RNF149: variants seen among roughly 807,000 people sequenced by gnomAD.
The protein encoded by RNF149 is ring finger protein 149.
RNF149 carries 21 observed loss-of-function variants against 39.0 expected under a neutral mutation model. The ratio of observed to expected loss-of-function variants is 0.54; its 90% CI spans 0.38 to 0.77. The LOEUF (loss-of-function observed/expected upper bound fraction) is 0.77. Ranked by LOEUF, RNF149 falls within the 30% of genes least tolerant of loss-of-function variation. RNF149 has a pLI of 0.00. For missense variants in RNF149, 493 were observed against 534.9 expected (o/e 0.92, Z 0.77); for synonymous variants, 209 against 213.6 (o/e 0.98, Z 0.19).
At chr2:101,280,201 A>ATG (rs1682525432) in intron 6 of RNF149, among the ~76,000 whole-genome samples, 3 of 146,636 alleles carry the variant, frequency 2.0e-5, no homozygotes, top group South Asian at 2.1e-4. Flanking sequence ...TAATAATAAT[A>ATG]ATGATGATGA....
chr2:101,273,218 GA>G (rs1316277920), downstream of RNF149: 2 of 944,708 alleles, frequency 2.1e-6, no homozygotes, highest in African/African-American at 3.4e-5. Flanking sequence ...AGGAGCCGAG[GA>G]AACAGGACAG....
At chr2:101,282,401 G>A (rs183001563) in intron 5 of RNF149, among the ~76,000 whole-genome samples, 123 of 152,112 alleles carry the variant, frequency 8.1e-4, no homozygotes, top group Non-Finnish European at 1.3e-3. Context: ...TCTGATTACC[G>A]CCCTGTGCTG....
downstream of RNF149, among the ~76,000 whole-genome samples, chr2:101,275,431 C>CT (rs59154104): frequency 9.1e-3 from 241 of 26,606 alleles, 51 homozygotes; most frequent in African/African-American, 0.027. Context: ...CCTAGTATTT[C>CT]TTTTTTTTTT....
In RNF149 at chr2:101,302,831, T is replaced by G. The variant is rs532852872; in HGVS notation, c.460+5298A>C. ...CCATCTCTACAAAACATTTAAAAAA[T>G]TAGCCAGGTGTGGCAGCATGCACCT... On this transcript the variant is annotated intron_variant, in intron 1 of 6. Transcript: ENST00000295317. Among the ~76,000 whole-genome samples the G allele has an allele frequency of 1.6e-4, 24 of 152,082 alleles. No homozygotes were observed. The South Asian group carries it at 2.7e-3, about 17-fold the overall frequency.
chr2:101,279,551 C>T (rs980157314), intron 6 of RNF149, among the ~76,000 whole-genome samples: 1 of 152,192 alleles, frequency 6.6e-6, no homozygotes, highest in African/African-American at 2.4e-5. Context: ...GGTATGCACT[C>T]TGGCTCTATA....
chr2:101,289,022 A>G lies in RNF149; in HGVS notation c.814T>C (p.Cys272Arg), dbSNP rs1244859730. ...IDVDAENCAVCIENFKVKDII... is the reference protein window; with the variant it reads ...IDVDAENCAVRIENFKVKDII... ...TCCTTTACTTTGAAATTTTCAATAC[A>G]CACTGCACAATTTTCAGCATCAACA... Residue 272 changes from cysteine (C) to arginine (R), a missense_variant, in exon 4 of 7, where the codon TGT (cysteine) becomes CGT (arginine). By Grantham distance (180) the Cys-to-Arg change is radical. Transcript: ENST00000295317. 13 of 1,595,628 alleles carry G rather than the reference A, an allele frequency of 8.1e-6. No homozygotes were observed. Among genetic ancestry groups the G allele is most frequent in the African/African-American group, 2.7e-5 (2 of 74,508 alleles).
At chr2:101,290,304 T>C (rs1437821645) in intron 3 of RNF149, among the ~76,000 whole-genome samples, 1 of 152,214 alleles carries the variant, frequency 6.6e-6, no homozygotes, top group Non-Finnish European at 1.5e-5. Context: ...TCTCTAATAA[T>C]GGTTTGCAAG....
intron 3 of RNF149, among the ~76,000 whole-genome samples, chr2:101,291,015 TG>T (rs939285365): frequency 6.6e-6 from 1 of 152,242 alleles, no homozygotes; most frequent in Non-Finnish European, 1.5e-5. Flanking sequence ...TATCAGCATG[TG>T]GCTGCAAATT....
intron 1 of RNF149, among the ~76,000 whole-genome samples, chr2:101,303,514 C>T (rs574365569): frequency 6.6e-4 from 101 of 152,120 alleles, no homozygotes; most frequent in Non-Finnish European, 8.7e-4. Context: ...ATTATCCATT[C>T]ATAAAAGACT....
In RNF149 at chr2:101,285,096, C is replaced by T. The variant is rs559838621; in HGVS notation, c.960+985G>A. On this transcript the variant is annotated intron_variant, in intron 5 of 6. Coordinates refer to ENST00000295317, the MANE Select transcript of RNF149 (RefSeq NM_173647.4). ...TATTTTTAGGAGAGACAGGGTTTCA[C>T]CATGTTGGCCAGGCTGGTCTTGAAC... Among the ~76,000 whole-genome samples the T allele has an allele frequency of 1.0e-3, 156 of 152,094 alleles. 2 individuals are homozygous for T. The highest frequency in any genetic ancestry group is 3.4e-3 in the Middle Eastern group (1 of 294).
intron 1 of RNF149, among the ~76,000 whole-genome samples, chr2:101,304,162 C>T (rs776615989): frequency 9.5e-4 from 144 of 152,238 alleles, no homozygotes; most frequent in Non-Finnish European, 1.9e-3. Context: ...TGTGGGAGGC[C>T]AAGACAGGCA....
Position 101,308,623 on chromosome 2 carries a change from G to A in RNF149, c.-35C>T, listed in dbSNP as rs1276281467. On this transcript the variant is annotated 5_prime_UTR_variant, in exon 1 of 7. Transcript: ENST00000295317. ...GCTGAGCTGACTAGGGGGAGTCAGG[G>A]TCACGCGCGAGTGCGGTGCAGTCGA... 1 of 1,473,024 alleles carries A rather than the reference G, an allele frequency of 6.8e-7. No homozygotes were observed. The highest frequency in any genetic ancestry group is 8.9e-7 in the Non-Finnish European group (1 of 1,119,400). 91.2% of individuals were successfully genotyped at this position (1,473,024 alleles called of 1,614,324 possible).
At chr2:101,274,549 T>C (rs1366982963), downstream of RNF149, among the ~76,000 whole-genome samples, 1 of 152,242 alleles carries the variant, frequency 6.6e-6, no homozygotes, top group East Asian at 1.9e-4. Flanking sequence ...CATAGTTTTA[T>C]GGATTAGATG....
chr2:101,293,699 T>A (rs1380616261), intron 3 of RNF149, among the ~76,000 whole-genome samples: 3 of 152,220 alleles, frequency 2.0e-5, no homozygotes, highest in Admixed American at 6.5e-5. Context: ...GAAGACTGTA[T>A]GTCTTTATAG....
At chr2:101,294,258 C>T (rs1015134503) in intron 2 of RNF149, 176 bp from the exon 3 acceptor site, 4 of 480,100 alleles carry the variant, frequency 8.3e-6, no homozygotes, top group Admixed American at 7.7e-5. Flanking sequence ...TACTTTTGCA[C>T]CAACTTCATA....
chr2:101,287,665 C>T (rs558882697), intron 4 of RNF149, among the ~76,000 whole-genome samples: 1 of 152,332 alleles, frequency 6.6e-6, no homozygotes, highest in South Asian at 2.1e-4. Context: ...TTATACTGAT[C>T]CAACCCAATT....
Position 101,288,985 on chromosome 2 carries a change from A to G in RNF149, c.851T>C (p.Ile284Thr). 1.3e-6 allele frequency: 2 copies of G among 1,550,744 alleles called. No homozygotes were observed. The highest frequency in any genetic ancestry group is 8.9e-7 in the Non-Finnish European group (1 of 1,124,584). ...AAAAAGAACATACTTGCATGGCAGA[A>G]TTCTAATAATATCCTTTACTTTGAA... ...ENFKVKDIIR[I>T]LPCKHIFHRI... is the part of the protein sequence containing the mutation. The change falls in exon 4 of 7, where the codon ATT (isoleucine) becomes ACT (threonine). Residue 284 changes from isoleucine (I) to threonine (T), a missense_variant. Physicochemically the swap from Ile to Thr is moderately conservative, Grantham distance 89. Transcript: ENST00000295317.
At chr2:101,284,895 A>G (rs1447120460) in intron 5 of RNF149, among the ~76,000 whole-genome samples, 1 of 152,164 alleles carries the variant, frequency 6.6e-6, no homozygotes, top group East Asian at 1.9e-4. Flanking sequence ...AAAGATCTTT[A>G]TTTAAAAACT....
downstream of RNF149, among the ~76,000 whole-genome samples, chr2:101,272,407 A>G (rs2104375053): frequency 6.6e-6 from 1 of 152,346 alleles, no homozygotes; most frequent in East Asian, 1.9e-4. Flanking sequence ...ATTATGACAC[A>G]GTAGAAATTA....
Sources: gnomAD v4.1 joint callset for allele counts (sites outside exome capture counted in the v4.1 genomes callset) on GRCh38, gnomAD v4.1.1 for gene constraint, MANE v1.5 for transcripts, NCBI Gene and HGNC (gene_info 2026-07-23, HGNC 2026-07-21) for gene names.